BANK1: variants seen among roughly 807,000 people sequenced by gnomAD.
BANK1 encodes B cell scaffold protein with ankyrin repeats 1.
Under a neutral mutation model 94.5 loss-of-function variants are expected in BANK1, and 95 were observed. The observed-to-expected ratio is 1.00, with a 90% CI of 0.85 to 1.19. BANK1 has a LOEUF of 1.19. Ranked by LOEUF, BANK1 falls within the 50% of genes most tolerant of loss-of-function variation. The pLI is 0.00. For missense variants in BANK1, 987 were observed against 932.2 expected (o/e 1.06, Z -0.77); for synonymous variants, 334 against 308.4 (o/e 1.08, Z -0.87).
intron 8 of BANK1, among the ~76,000 whole-genome samples, chr4:102,022,697 A>G (rs1393031620): frequency 6.6e-6 from 1 of 152,114 alleles, no homozygotes; most frequent in Non-Finnish European, 1.5e-5. Context: ...CTGATATTCT[A>G]CACTTCATGA....
At chr4:101,854,081 G>A (rs528230172) in intron 2 of BANK1, among the ~76,000 whole-genome samples, 30 of 152,226 alleles carry the variant, frequency 2.0e-4, no homozygotes, top group East Asian at 1.5e-3. Context: ...GAAAAGCAAG[G>A]CATTCTCATG....
intron 7 of BANK1, among the ~76,000 whole-genome samples, chr4:101,941,802 C>A (rs936441931): frequency 6.6e-6 from 1 of 151,570 alleles, no homozygotes; most frequent in African/African-American, 2.4e-5. Context: ...AATTGTATTC[C>A]ATATTTTTCA....
At chr4:101,839,336 C>T (rs1280500311) in intron 2 of BANK1, among the ~76,000 whole-genome samples, 1 of 151,946 alleles carries the variant, frequency 6.6e-6, no homozygotes, top group East Asian at 1.9e-4. Flanking sequence ...CTTTACTAGG[C>T]AATTATGATT....
intron 5 of BANK1, among the ~76,000 whole-genome samples, chr4:101,875,859 G>C (rs1262516552): frequency 1.3e-5 from 2 of 152,298 alleles, no homozygotes; most frequent in South Asian, 2.1e-4. Flanking sequence ...GCAACTCCTA[G>C]TGCTCAACTG....
intron 13 of BANK1, among the ~76,000 whole-genome samples, chr4:102,063,656 T>C (rs1218194206): frequency 6.6e-6 from 1 of 151,564 alleles, no homozygotes; most frequent in Non-Finnish European, 1.5e-5. Flanking sequence ...ACCCCATCTC[T>C]ACTAAAAATA....
At chr4:101,993,719 G>T (rs1725783295) in intron 7 of BANK1, among the ~76,000 whole-genome samples, 1 of 152,118 alleles carries the variant, frequency 6.6e-6, no homozygotes, top group Admixed American at 6.6e-5. Context: ...TCCTGGGCAG[G>T]GCGTTTGATT....
At chr4:101,985,116 C>T (rs1174600136) in intron 7 of BANK1, among the ~76,000 whole-genome samples, 1 of 152,034 alleles carries the variant, frequency 6.6e-6, no homozygotes, top group Non-Finnish European at 1.5e-5. Context: ...TAGTGTGGTT[C>T]CAGTCCAAAT....
chr4:101,929,627 AT>A (rs1723279597), intron 7 of BANK1, among the ~76,000 whole-genome samples: 2 of 151,424 alleles, frequency 1.3e-5, no homozygotes, highest in African/African-American at 4.8e-5. Flanking sequence ...ACTATCCTTT[AT>A]TTTTTGTCTG....
chr4:101,952,383 C>CT (rs1724193623), intron 7 of BANK1, among the ~76,000 whole-genome samples: 4 of 152,100 alleles, frequency 2.6e-5, no homozygotes, highest in Admixed American at 2.6e-4. Context: ...ATTACTGTGA[C>CT]TACCTGTGTT....
At chr4:101,792,269 G>A (rs1032461196) in intron 1 of BANK1, among the ~76,000 whole-genome samples, 10 of 62,056 alleles carry the variant, frequency 1.6e-4, no homozygotes, top group African/African-American at 5.1e-4. Flanking sequence ...CCCCCGCCCC[G>A]CCCCTCCCAA....
At chr4:101,945,784 T>TAG (rs1245974474) in intron 7 of BANK1, among the ~76,000 whole-genome samples, 4 of 151,888 alleles carry the variant, frequency 2.6e-5, no homozygotes, top group African/African-American at 9.7e-5. Context: ...GAAAGCTGAG[T>TAG]AGAAGCCTAT....
intron 8 of BANK1, 81 bp downstream of exon 8, chr4:102,021,673 T>C: frequency 1.8e-6 from 1 of 563,524 alleles, no homozygotes; most frequent in Non-Finnish European, 2.7e-6. Context: ...AAGATGTAAC[T>C]GAAAAAGCAA....
chr4:101,884,622 T>C (rs1728782921), intron 5 of BANK1, among the ~76,000 whole-genome samples: 1 of 152,158 alleles, frequency 6.6e-6, no homozygotes, highest in African/African-American at 2.4e-5. Context: ...ACTCAGGAAA[T>C]GCATCTTCAT....
At chr4:101,809,976 T>A (rs570973960) in intron 1 of BANK1, among the ~76,000 whole-genome samples, 1 of 152,186 alleles carries the variant, frequency 6.6e-6, no homozygotes, top group East Asian at 1.9e-4. Context: ...CAGCTGACTT[T>A]GAGATAGGGA....
intron 7 of BANK1, among the ~76,000 whole-genome samples, chr4:101,950,168 T>A (rs1425789102): frequency 6.6e-6 from 1 of 152,160 alleles, no homozygotes; most frequent in African/African-American, 2.4e-5. Flanking sequence ...ATTGATAAAG[T>A]TAGCTGAAGG....
chr4:101,962,015 C>T (rs750049487), intron 7 of BANK1, among the ~76,000 whole-genome samples: 3 of 152,100 alleles, frequency 2.0e-5, no homozygotes, highest in Non-Finnish European at 4.4e-5. Context: ...TTTTTCGTGC[C>T]TCCCTGGTGA....
chr4:101,830,095 A>T lies in BANK1; in HGVS notation c.358A>T (p.Ser120Cys). The T allele has an allele frequency of 1.2e-6, 2 of 1,613,834 alleles. No homozygotes were observed. Among genetic ancestry groups the T allele is most frequent in the Non-Finnish European group, 1.7e-6 (2 of 1,179,882 alleles). ...SVVTLLCGVK[S>C]SDQLYELLNI... Reference sequence around the variant, plus strand: ...AGTTACTTTGCTTTGTGGAGTGAAGAGTTCAGATCAGCTCTATGAATTACT... The same window carrying T: ...AGTTACTTTGCTTTGTGGAGTGAAGTGTTCAGATCAGCTCTATGAATTACT... The change falls in exon 2 of 17, where the codon AGT becomes TGT. Residue 120 changes from serine (S) to cysteine (C), a missense_variant. Physicochemically the swap from Ser to Cys is moderately radical, Grantham distance 112. Transcript: ENST00000322953.
At chr4:102,015,289 A>C (rs1189370766) in intron 7 of BANK1, among the ~76,000 whole-genome samples, 1 of 151,928 alleles carries the variant, frequency 6.6e-6, no homozygotes, top group African/African-American at 2.4e-5. Flanking sequence ...TTTTGACTTA[A>C]TTTTGACTTT....
chr4:101,868,480 T>A (rs540570657), intron 4 of BANK1, among the ~76,000 whole-genome samples: 33 of 152,098 alleles, frequency 2.2e-4, no homozygotes, highest in African/African-American at 7.5e-4. Context: ...AAGCAAAAGC[T>A]GCTGGAATTG....
Sources: allele counts gnomAD v4.1 joint callset (sites outside exome capture counted in the v4.1 genomes callset), GRCh38; gene constraint gnomAD v4.1.1; transcripts MANE v1.5; gene names NCBI Gene and HGNC (gene_info 2026-07-23, HGNC 2026-07-21).